The following TMPRSS9 variants were observed in gnomAD, a reference collection of about 807,000 sequenced individuals.
TMPRSS9 encodes transmembrane protease serine 9.
In TMPRSS9, 113 loss-of-function variants were observed where a neutral mutation model predicts 111.4. That is an observed-to-expected ratio of 1.01 (90% CI 0.87 to 1.19). The LOEUF (loss-of-function observed/expected upper bound fraction) is 1.19. Among genes scored for constraint, TMPRSS9 ranks in the 50% most tolerant of loss-of-function variants. The pLI, the probability that TMPRSS9 is intolerant of heterozygous loss-of-function variation, is 0.00. For synonymous variants in TMPRSS9, 805 were observed against 659.1 expected, an observed-to-expected ratio of 1.22 and a Z score of -3.39; for missense variants, 1,803 against 1,513.1, an observed-to-expected ratio of 1.19 and a Z score of -3.18.
intron 1 of TMPRSS9, among the ~76,000 whole-genome samples, chr19:2,373,978 G>C (rs1404815735): frequency 6.6e-6 from 1 of 152,184 alleles, no homozygotes; most frequent in Non-Finnish European, 1.5e-5. Context: ...GTGCTTTACA[G>C]GGAGATCTGA....
chr19:2,414,949 T>TG (rs1971192436), intron 10 of TMPRSS9, among the ~76,000 whole-genome samples: 1 of 150,658 alleles, frequency 6.6e-6, no homozygotes, highest in Non-Finnish European at 1.5e-5. Context: ...CTATTTTTTT[T>TG]TTTTTTTTTT....
At chr19:2,423,442 G>A (rs968392917) in intron 14 of TMPRSS9, among the ~76,000 whole-genome samples, 6 of 141,230 alleles carry the variant, frequency 4.2e-5, no homozygotes, top group East Asian at 2.3e-4. Context: ...TAGCTGCTGC[G>A]GGTTGGATGG....
chr19:2,372,953 T>C (rs1970301743), intron 1 of TMPRSS9, among the ~76,000 whole-genome samples: 1 of 152,138 alleles, frequency 6.6e-6, no homozygotes, highest in Non-Finnish European at 1.5e-5. Context: ...TGCCTCAGCC[T>C]CCAAAGTAGC....
chr19:2,408,252 T>G lies in TMPRSS9; in HGVS notation c.843-104T>G, dbSNP rs1001971770. The G allele has an allele frequency of 7.2e-6, 8 of 1,108,194 alleles. No individual in the cohort carries two copies. The African/African-American group carries it at 1.3e-4, about 17-fold the overall frequency. 68.6% of individuals were successfully genotyped at this position (1,108,194 alleles called of 1,614,324 possible). ...TAAATACTATTCATAAATATTAATG[T>G]GGGGGGATACCCCTTACATTTTGCA... On this transcript the variant is annotated intron_variant, in intron 7 of 17. Transcript: ENST00000648592.
exon 18 of TMPRSS9, chr19:2,425,991 C>T (rs774171193): frequency 4.4e-6 from 7 of 1,606,720 alleles, no homozygotes; most frequent in Non-Finnish European, 5.1e-6. Flanking sequence ...ACTGGGGTCA[C>T]TAGCTGGGGC....
chr19:2,411,299 C>CAAAAAA (rs771305642), intron 9 of TMPRSS9, among the ~76,000 whole-genome samples: 10 of 32,318 alleles, frequency 3.1e-4, no homozygotes, highest in Admixed American at 5.6e-4. Flanking sequence ...GACTCTGTCT[C>CAAAAAA]AAAAAAAAAA....
intron 8 of TMPRSS9, among the ~76,000 whole-genome samples, chr19:2,409,232 C>T (rs1387021700): frequency 1.3e-5 from 2 of 150,132 alleles, no homozygotes; most frequent in African/African-American, 2.5e-5. Context: ...CCTCCGCCTC[C>T]GGGTTCAAGC....
intron 7 of TMPRSS9, among the ~76,000 whole-genome samples, chr19:2,406,687 C>T (rs1166129494): frequency 6.6e-6 from 1 of 151,186 alleles, no homozygotes; most frequent in Non-Finnish European, 1.5e-5. Flanking sequence ...AGTAGCATCT[C>T]CCTGTGGTTT....
At chr19:2,411,688 A>C (rs1971100271) in intron 9 of TMPRSS9, among the ~76,000 whole-genome samples, 1 of 152,106 alleles carries the variant, frequency 6.6e-6, no homozygotes, top group South Asian at 2.1e-4. Flanking sequence ...AGTAGCTGGA[A>C]TAACAGGTGC....
exon 8 of TMPRSS9, chr19:2,408,582 A>G (rs568879396): frequency 3.1e-6 from 5 of 1,613,482 alleles, no homozygotes; most frequent in Middle Eastern, 1.6e-4. Context: ...CTTCCCACCC[A>G]GCAAGAAGTG....
exon 7 of TMPRSS9, chr19:2,405,400 A>G (rs1970946968): frequency 6.2e-7 from 1 of 1,603,938 alleles, no homozygotes; most frequent in African/African-American, 1.3e-5. Flanking sequence ...TGCCTGGAGG[A>G]TGGCCGGCAG....
At chr19:2,407,609 T>TTTTCTTTTCTTTTC (rs776161980) in intron 7 of TMPRSS9, among the ~76,000 whole-genome samples, 8 of 86,166 alleles carry the variant, frequency 9.3e-5, no homozygotes, top group Non-Finnish European at 9.0e-5. Context: ...TTTTCTTTTC[T>TTTTCTTTTCTTTTC]TTTTTTTTTT....
At chr19:2,393,565 A>C (rs980274387) in intron 1 of TMPRSS9, among the ~76,000 whole-genome samples, 5 of 152,164 alleles carry the variant, frequency 3.3e-5, no homozygotes, top group Non-Finnish European at 5.9e-5. Flanking sequence ...AATTTCGGAC[A>C]CAGTAACATG....
intron 5 of TMPRSS9, among the ~76,000 whole-genome samples, chr19:2,402,764 T>A (rs1970878506): frequency 6.6e-6 from 1 of 150,932 alleles, no homozygotes; most frequent in South Asian, 2.1e-4. Flanking sequence ...TAAAATAAAA[T>A]AAAAATAAAT....
At chr19:2,424,173 T>C in exon 15 of TMPRSS9, 2 of 1,466,266 alleles carry the variant, frequency 1.4e-6, no homozygotes. Context: ...CAGGTGAGCC[T>C]GTGGCTGCGG....
At chr19:2,365,624 A>G (rs1057365410) in intron 1 of TMPRSS9, among the ~76,000 whole-genome samples, 2 of 151,966 alleles carry the variant, frequency 1.3e-5, no homozygotes, top group African/African-American at 4.8e-5. Context: ...AAACAAACAA[A>G]AAAAACAAAA....
rs1242513680 is a variant in TMPRSS9, at chr19:2,424,859, G to A, written c.2718-143G>A. ...GCCTCGGTGCCTGATGGGGGAGACT[G>A]AGCCCATTCCCAGACCGACAGCCAG... On this transcript the variant is annotated intron_variant, in intron 15 of 17. Transcript: ENST00000648592. The A allele has an allele frequency of 3.7e-6, 4 of 1,077,856 alleles. No homozygotes were observed. In the South Asian group the frequency reaches 5.9e-5, roughly 16 times the overall value. The allele number at this position is 1,077,856 out of a possible 1,614,324, so 66.8% of individuals were successfully genotyped here.
At position 2,426,021 on chromosome 19, in the gene TMPRSS9, A is replaced by C. The variant is rs140960972; in HGVS notation, c.3215A>C (p.His1072Pro). 394 of 1,607,628 alleles carry C rather than the reference A, an allele frequency of 2.5e-4. No homozygotes were observed. The highest frequency in any genetic ancestry group is 3.2e-4 in the Non-Finnish European group (377 of 1,177,902). The change falls in exon 18 of 18, where the codon CAC becomes CCC. Residue 1072 changes from histidine (H) to proline (P), a missense_variant. Physicochemically the swap from His to Pro is moderately conservative, Grantham distance 77 (BLOSUM62 -2). Coordinates refer to ENST00000648592, the Ensembl canonical transcript of TMPRSS9. ...TGGGGCTATGGCTGTGGCCGGCCCC[A>C]CTTCCCAGGTGTCTATACCCGGGTG...
chr19:2,368,864 A>G (rs1212994736), intron 1 of TMPRSS9, among the ~76,000 whole-genome samples: 2 of 142,678 alleles, frequency 1.4e-5, no homozygotes, highest in Non-Finnish European at 3.0e-5. Context: ...AGCTCACTGC[A>G]ACCTCCGCCT....
Sources: allele counts gnomAD v4.1 joint callset (sites outside exome capture counted in the v4.1 genomes callset), GRCh38; gene constraint gnomAD v4.1.1; transcripts MANE v1.5; gene names NCBI Gene and HGNC (gene_info 2026-07-23, HGNC 2026-07-21).